Variants in NEBL observed in about 807,000 individuals in gnomAD.
NEBL encodes nebulette.
NEBL carries 122 observed loss-of-function variants against 140.2 expected under a neutral mutation model. The ratio of observed to expected loss-of-function variants is 0.87; its 90% CI spans 0.75 to 1.01. The LOEUF (loss-of-function observed/expected upper bound fraction) is 1.01, where lower values mean the gene tolerates loss of function less well. NEBL is among the 50% of genes least tolerant of loss of function. The pLI is 0.00. For synonymous variants in NEBL, 436 were observed against 398.9 expected (o/e 1.09, Z -1.11); for missense variants, 1,365 against 1,231.3 (o/e 1.11, Z -1.62).
chr10:21,169,282 T>A (rs1840974359), intron 2 of NEBL, among the ~76,000 whole-genome samples: 1 of 151,542 alleles, frequency 6.6e-6, no homozygotes, highest in South Asian at 2.1e-4. Flanking sequence ...TTGTTTTCAT[T>A]TAAGCATGTA....
intron 5 of NEBL, among the ~76,000 whole-genome samples, 154 bp downstream of exon 5, chr10:20,880,640 A>G (rs1845930521): frequency 6.6e-6 from 1 of 152,222 alleles, no homozygotes; most frequent in Non-Finnish European, 1.5e-5. Context: ...GACTGTGGAT[A>G]GAATAATTCA....
At chr10:20,811,380 C>G (rs1456459364) in intron 24 of NEBL, among the ~76,000 whole-genome samples, 1 of 152,136 alleles carries the variant, frequency 6.6e-6, no homozygotes, top group African/African-American at 2.4e-5. Context: ...CAGTTCCACC[C>G]TAAGTGAGAT....
chr10:21,017,886 C>A (rs192682404), intron 3 of NEBL, among the ~76,000 whole-genome samples: 15 of 151,600 alleles, frequency 9.9e-5, no homozygotes, highest in African/African-American at 2.7e-4. Context: ...TACAGTGGCA[C>A]GATCTCGGCT....
intron 16 of NEBL, among the ~76,000 whole-genome samples, chr10:20,830,912 TAAAAAA>T (rs371760760): frequency 4.1e-4 from 38 of 92,356 alleles, no homozygotes; most frequent in African/African-American, 1.6e-3. Context: ...CTCTAAAATT[TAAAAAA>T]AAAAAAAAAA....
At chr10:20,896,516 A>ATATATATATATG (rs1339116159) in intron 2 of NEBL, among the ~76,000 whole-genome samples, 3 of 138,312 alleles carry the variant, frequency 2.2e-5, no homozygotes, top group Admixed American at 1.5e-4. Flanking sequence ...ATATATATAT[A>ATATATATATATG]TGCATTTTCC....
At chr10:21,093,765 T>G (rs1837034052) in intron 2 of NEBL, among the ~76,000 whole-genome samples, 1 of 152,184 alleles carries the variant, frequency 6.6e-6, no homozygotes, top group Non-Finnish European at 1.5e-5. Flanking sequence ...TCCTGAAAAA[T>G]CTACTGCTTC....
intron 2 of NEBL, among the ~76,000 whole-genome samples, chr10:21,073,711 C>T (rs1299429494): frequency 2.6e-5 from 4 of 151,806 alleles, no homozygotes; most frequent in Non-Finnish European, 5.9e-5. Flanking sequence ...AAATCTCATA[C>T]CTAATGTATT....
chr10:21,065,143 G>A (rs1276637077), intron 2 of NEBL, among the ~76,000 whole-genome samples: 1 of 152,158 alleles, frequency 6.6e-6, no homozygotes, highest in African/African-American at 2.4e-5. Context: ...GGAAATGGGT[G>A]TAAGGAACAA....
chr10:20,821,671 C>CT (rs1397185752), intron 19 of NEBL, among the ~76,000 whole-genome samples: 2 of 152,182 alleles, frequency 1.3e-5, no homozygotes, highest in African/African-American at 4.8e-5. Context: ...GTCAACTGCT[C>CT]TTAAACATTA....
Position 20,936,415 on chromosome 10 carries a change from C to T in NEBL, c.357+25257G>A, listed in dbSNP as rs117580595. On this transcript the variant is annotated intron_variant, in intron 4 of 6. Transcript: ENST00000417816. ...GCCTAACAGGCTATTGCAAATGGAA[C>T]CTAAAAAATGGTGGACAAAGATTAT... Among the ~76,000 whole-genome samples, 155 of 152,262 alleles carry T rather than the reference C, an allele frequency of 1.0e-3. 2 individuals carry two copies. The East Asian group carries it at 0.029, about 29-fold the overall frequency.
At chr10:21,109,734 GTA>G (rs1837893307) in intron 2 of NEBL, among the ~76,000 whole-genome samples, 1 of 152,128 alleles carries the variant, frequency 6.6e-6, no homozygotes, top group African/African-American at 2.4e-5. Flanking sequence ...TTGGGAGAAT[GTA>G]TGTGTCCAGG....
At chr10:20,854,050 A>T (rs898683978) in intron 9 of NEBL, among the ~76,000 whole-genome samples, 5 of 152,142 alleles carry the variant, frequency 3.3e-5, no homozygotes, top group Non-Finnish European at 7.4e-5. Flanking sequence ...AAATTAGAAA[A>T]TTTTAAAAAT....
chr10:21,055,085 A>G (rs116402585), intron 2 of NEBL, among the ~76,000 whole-genome samples: 2,433 of 152,336 alleles, frequency 0.016, 66 homozygotes, highest in East Asian at 0.099. Context: ...AGTTCATTAT[A>G]TCTGGGGGAG....
At chr10:20,825,340 A>G (rs1254413897) in intron 18 of NEBL, among the ~76,000 whole-genome samples, 1 of 152,098 alleles carries the variant, frequency 6.6e-6, no homozygotes, top group Non-Finnish European at 1.5e-5. Flanking sequence ...TTAAAGAACG[A>G]ATCCTTTTTA....
chr10:21,185,487 CTTTTTTTTTTTTT>C (rs10612676), intron 3 of NEBL, among the ~76,000 whole-genome samples: 3 of 72,076 alleles, frequency 4.2e-5, no homozygotes, highest in East Asian at 5.6e-4. Flanking sequence ...ATTTTCTTTC[CTTTTTTTTTTTTT>C]TTTTTTTTTT....
At chr10:21,011,754 G>C (rs539465244) in intron 3 of NEBL, among the ~76,000 whole-genome samples, 33 of 152,278 alleles carry the variant, frequency 2.2e-4, no homozygotes, top group African/African-American at 7.7e-4. Flanking sequence ...GGTACCCCCT[G>C]AAGACACTTC....
intron 4 of NEBL, among the ~76,000 whole-genome samples, chr10:20,885,770 G>C (rs1010011200): frequency 6.6e-6 from 1 of 152,138 alleles, no homozygotes; most frequent in African/African-American, 2.4e-5. Flanking sequence ...CAAGTGTTGG[G>C]TTGTAATTAT....
intron 2 of NEBL, among the ~76,000 whole-genome samples, chr10:21,059,800 A>G (rs950962432): frequency 4.6e-5 from 7 of 152,350 alleles, no homozygotes; most frequent in African/African-American, 1.7e-4. Flanking sequence ...GAGTTTTAGA[A>G]TTAAGGTTAT....
chr10:21,168,080 TATC>T (rs1490305521), intron 2 of NEBL, among the ~76,000 whole-genome samples: 13 of 152,330 alleles, frequency 8.5e-5, no homozygotes, highest in African/African-American at 2.4e-4. Context: ...AAAATTTAAA[TATC>T]ATGTAAATTA....
Sources: gnomAD v4.1 joint callset for allele counts (sites outside exome capture counted in the v4.1 genomes callset) on GRCh38, gnomAD v4.1.1 for gene constraint, MANE v1.5 for transcripts, NCBI Gene and HGNC (gene_info 2026-07-23, HGNC 2026-07-21) for gene names.